Variants in SCAPER observed in about 807,000 individuals in gnomAD.
SCAPER encodes the protein S-phase cyclin A associated protein in the ER.
A neutral mutation model predicts 182.2 loss-of-function variants in SCAPER; 98 were observed. The observed-to-expected ratio is 0.54, with a 90% confidence interval of 0.46 to 0.64. The LOEUF (loss-of-function observed/expected upper bound fraction) is 0.64. Among genes scored for constraint, SCAPER ranks in the 30% least tolerant of loss-of-function variants. SCAPER has a pLI of 0.00. For missense variants in SCAPER, 1,432 were observed against 1,690.0 expected, an observed-to-expected ratio of 0.85 and a Z score of 2.68; for synonymous variants, 605 against 564.6, an observed-to-expected ratio of 1.07 and a Z score of -1.01.
chr15:76,892,676 T>C (rs1595932218), intron 1 of SCAPER, among the ~76,000 whole-genome samples: 1 of 152,200 alleles, frequency 6.6e-6, no homozygotes, highest in East Asian at 1.9e-4. Flanking sequence ...AAACAACAGA[T>C]GCTGGAGAGG....
rs142426719 is a variant in SCAPER at position 76,472,058 on chromosome 15, C to T, written c.2955-723G>A. Reference sequence around the variant, plus strand: ...AGCCCGACCAGTCTGCCTGCTGCTGCATTCCTGCATCCATAGCATATGTCC... The same window carrying T: ...AGCCCGACCAGTCTGCCTGCTGCTGTATTCCTGCATCCATAGCATATGTCC... On this transcript the variant is annotated intron_variant, in intron 24 of 31. Coordinates refer to ENST00000563290, the MANE Select transcript of SCAPER (RefSeq NM_020843.4). 107 of 274,008 alleles carry T rather than the reference C, an allele frequency of 3.9e-4. No individual in the cohort carries two copies. In the East Asian group the frequency reaches 7.3e-3, roughly 19 times the overall value. The allele number at this position is 274,008 out of a possible 1,614,324, so 17.0% of individuals were successfully genotyped here.
intron 22 of SCAPER, among the ~76,000 whole-genome samples, chr15:76,619,875 C>T (rs1432356367): frequency 2.6e-5 from 4 of 152,040 alleles, no homozygotes; most frequent in Admixed American, 1.3e-4. Flanking sequence ...CGCAGGAGTT[C>T]GAGACCAGCC....
In SCAPER at chr15:76,656,734, C is replaced by G. The variant is rs561202928; in HGVS notation, c.2645+8919G>C. The stretch of plus-strand genomic sequence containing the variant: ...AGCACCACAGAAGTAGGTATCAATT[C>G]TAAGAAGAGTGCTTAAAACCATACA... On this transcript the variant is annotated intron_variant, in intron 21 of 31. Transcript: ENST00000563290. Among the ~76,000 whole-genome samples, 246 of 152,190 alleles carry G rather than the reference C, an allele frequency of 1.6e-3. 1 individual carries two copies. Among genetic ancestry groups the G allele is most frequent in the Non-Finnish European group, 3.0e-3 (203 of 67,950 alleles).
chr15:76,866,448 A>G (rs2072309795), intron 2 of SCAPER, among the ~76,000 whole-genome samples: 2 of 152,178 alleles, frequency 1.3e-5, no homozygotes. Flanking sequence ...CAGCTCCACT[A>G]TAAATTTTAC....
chr15:76,611,549 G>A (rs1567596120), intron 22 of SCAPER, among the ~76,000 whole-genome samples: 2 of 152,076 alleles, frequency 1.3e-5, no homozygotes, highest in African/African-American at 4.8e-5. Flanking sequence ...AAAAATTGAG[G>A]AGGAGGGACT....
At chr15:76,471,137 T>A in intron 25 of SCAPER, 75 bp downstream of exon 25, 1 of 1,187,750 alleles carries the variant, frequency 8.4e-7, no homozygotes. Flanking sequence ...CTAAGTTGAA[T>A]TCTTTTAGTT....
At chr15:76,647,791 A>G (rs2054664591) in intron 21 of SCAPER, among the ~76,000 whole-genome samples, 1 of 152,226 alleles carries the variant, frequency 6.6e-6, no homozygotes, top group African/African-American at 2.4e-5. Context: ...TTCAGCTGTC[A>G]TATTTGAGGA....
chr15:76,848,213 T>C (rs2070318202), intron 4 of SCAPER, among the ~76,000 whole-genome samples: 1 of 151,966 alleles, frequency 6.6e-6, no homozygotes, highest in African/African-American at 2.4e-5. Context: ...CTGGCCAGGC[T>C]GGTCTTGAAC....
intron 7 of SCAPER, among the ~76,000 whole-genome samples, chr15:76,799,957 C>T (rs1482910224): frequency 6.6e-6 from 1 of 151,766 alleles, no homozygotes; most frequent in Non-Finnish European, 1.5e-5. Flanking sequence ...CTTTACCTAA[C>T]TTGTGCAAGT....
chr15:76,630,633 T>C (rs543751508), intron 21 of SCAPER, among the ~76,000 whole-genome samples: 3 of 152,340 alleles, frequency 2.0e-5, no homozygotes, highest in Non-Finnish European at 4.4e-5. Flanking sequence ...TAATCTTGAG[T>C]TCTAATTTGA....
chr15:76,711,838 C>T (rs1032824813), intron 17 of SCAPER, among the ~76,000 whole-genome samples: 1 of 152,002 alleles, frequency 6.6e-6, no homozygotes, highest in Non-Finnish European at 1.5e-5. Context: ...TGGATATTAG[C>T]CCTTTGTCAG....
At chr15:76,548,336 C>A (rs557392394) in intron 23 of SCAPER, among the ~76,000 whole-genome samples, 1 of 152,196 alleles carries the variant, frequency 6.6e-6, no homozygotes. Flanking sequence ...AACAACTGTT[C>A]AAGAATGATG....
At chr15:76,430,978 T>C (rs1416638976) in intron 26 of SCAPER, among the ~76,000 whole-genome samples, 5 of 152,140 alleles carry the variant, frequency 3.3e-5, no homozygotes, top group African/African-American at 7.2e-5. Flanking sequence ...GTTCTCGTGA[T>C]AGTGAATAAG....
At chr15:76,602,536 G>GT (rs1389208121) in intron 22 of SCAPER, among the ~76,000 whole-genome samples, 1 of 119,542 alleles carries the variant, frequency 8.4e-6, no homozygotes, top group African/African-American at 2.5e-5. Context: ...TTTTGTTTTT[G>GT]TTTTTTGGGG....
intron 26 of SCAPER, among the ~76,000 whole-genome samples, chr15:76,424,884 T>A (rs2046314195): frequency 6.6e-6 from 1 of 152,180 alleles, no homozygotes; most frequent in African/African-American, 2.4e-5. Context: ...TGAAGCTTAG[T>A]TTGGCAGGAT....
intron 24 of SCAPER, among the ~76,000 whole-genome samples, chr15:76,482,272 T>C (rs1216398684): frequency 2.6e-5 from 4 of 152,238 alleles, no homozygotes; most frequent in African/African-American, 9.6e-5. Context: ...CATAAATGTT[T>C]GAGATTTTCC....
At chr15:76,715,851 C>T (rs1003260855) in intron 17 of SCAPER, among the ~76,000 whole-genome samples, 1 of 152,136 alleles carries the variant, frequency 6.6e-6, no homozygotes, top group Non-Finnish European at 1.5e-5. Flanking sequence ...GGGTATGCCC[C>T]ACAGAAACAA....
intron 15 of SCAPER, among the ~76,000 whole-genome samples, chr15:76,735,401 A>G (rs976068262): frequency 9.2e-5 from 14 of 152,036 alleles, no homozygotes; most frequent in African/African-American, 3.1e-4. Flanking sequence ...AATTTGGAAG[A>G]AAATAATAAC....
intron 20 of SCAPER, among the ~76,000 whole-genome samples, chr15:76,681,555 A>G (rs1340049440): frequency 2.6e-5 from 4 of 152,174 alleles, no homozygotes; most frequent in Non-Finnish European, 4.4e-5. Context: ...AGGGGGAAGC[A>G]GCGAGAGTGA....
Sources: gnomAD v4.1 joint callset for allele counts (sites outside exome capture counted in the v4.1 genomes callset) on GRCh38, gnomAD v4.1.1 for gene constraint, MANE v1.5 for transcripts, NCBI Gene and HGNC (gene_info 2026-07-23, HGNC 2026-07-21) for gene names.